Variants in CAMKMT observed in about 807,000 individuals in gnomAD.
The protein encoded by CAMKMT is calmodulin-lysine N-methyltransferase.
Under a neutral mutation model 48.0 loss-of-function variants are expected in CAMKMT, and 53 were observed. That is an observed-to-expected ratio of 1.10 (90% CI 0.89 to 1.39). The LOEUF is 1.39. Ranked by LOEUF, CAMKMT falls within the 40% of genes most tolerant of loss-of-function variation. The pLI, the probability that CAMKMT is intolerant of heterozygous loss-of-function variation, is 0.00. For missense variants in CAMKMT, 428 were observed against 402.7 expected (o/e 1.06, Z -0.54); for synonymous variants, 165 against 152.3 (o/e 1.08, Z -0.61).
chr2:44,570,459 T>C (rs765854895), intron 3 of CAMKMT, among the ~76,000 whole-genome samples: 29 of 152,306 alleles, frequency 1.9e-4, no homozygotes, highest in Non-Finnish European at 4.0e-4. Context: ...TTTCAAACAA[T>C]TACATTCCAG....
At chr2:44,522,895 T>G (rs1043665694) in intron 3 of CAMKMT, among the ~76,000 whole-genome samples, 3 of 152,202 alleles carry the variant, frequency 2.0e-5, no homozygotes, top group African/African-American at 4.8e-5. Context: ...CCTGCAGAAT[T>G]CCTTAGCTAG....
chr2:44,456,568 G>A (rs1436731993), intron 3 of CAMKMT: 10 of 1,549,442 alleles, frequency 6.5e-6, no homozygotes, highest in South Asian at 4.8e-5. Flanking sequence ...TCTCTTTTAG[G>A]GGAAGCAACC....
chr2:44,396,872 A>T (rs1681897503), intron 3 of CAMKMT, among the ~76,000 whole-genome samples: 1 of 152,012 alleles, frequency 6.6e-6, no homozygotes, highest in Non-Finnish European at 1.5e-5. Flanking sequence ...CATCCTGGCC[A>T]ACATGGTGAA....
Position 44,646,721 on chromosome 2 carries a change from T to C in CAMKMT, c.377-57562T>C, listed in dbSNP as rs545492700. Among the ~76,000 whole-genome samples, 13 of 152,298 alleles carry C rather than the reference T, an allele frequency of 8.5e-5. No individual in the cohort carries two copies. In the East Asian group the frequency reaches 2.5e-3, roughly 29 times the overall value. ...ACATTGATTATAATTTGGAAACACT[T>C]TATTCAAATTGCTTCAAAGAAAACC... On this transcript the variant is annotated intron_variant, in intron 3 of 10. Coordinates refer to ENST00000378494, the MANE Select transcript of CAMKMT (RefSeq NM_024766.5).
At chr2:44,581,027 C>A (rs960856011) in intron 3 of CAMKMT, among the ~76,000 whole-genome samples, 3 of 152,036 alleles carry the variant, frequency 2.0e-5, no homozygotes, top group Non-Finnish European at 4.4e-5. Flanking sequence ...TATGACAGAG[C>A]ACTCTGTATT....
chr2:44,667,821 T>C (rs939622983), intron 3 of CAMKMT, among the ~76,000 whole-genome samples: 7 of 152,138 alleles, frequency 4.6e-5, no homozygotes, highest in African/African-American at 1.4e-4. Flanking sequence ...GGACCTCCAC[T>C]CCAACACCGT....
chr2:44,692,656 T>C (rs1558799879), intron 3 of CAMKMT, among the ~76,000 whole-genome samples: 1 of 151,860 alleles, frequency 6.6e-6, no homozygotes, highest in African/African-American at 2.4e-5. Context: ...TTGCCCAAGA[T>C]CACAGAACCA....
chr2:44,485,482 G>A (rs1457238377), intron 3 of CAMKMT, among the ~76,000 whole-genome samples: 5 of 152,146 alleles, frequency 3.3e-5, no homozygotes, highest in Admixed American at 6.5e-5. Context: ...TAACAATGGC[G>A]ATACGTTCTG....
intron 3 of CAMKMT, among the ~76,000 whole-genome samples, chr2:44,659,185 C>G (rs1433175960): frequency 2.0e-5 from 3 of 149,572 alleles, no homozygotes; most frequent in Non-Finnish European, 3.0e-5. Flanking sequence ...AGTTTCAAGG[C>G]CAAGGCAGGA....
chr2:44,472,140 G>A (rs1226548452), intron 3 of CAMKMT, among the ~76,000 whole-genome samples: 2 of 152,074 alleles, frequency 1.3e-5, no homozygotes, highest in South Asian at 4.2e-4. Context: ...GTACAATCTC[G>A]GCTAACTGCA....
rs775756025 is a variant in CAMKMT, at chr2:44,715,332, A to C, written c.602A>C (p.Lys201Thr). The change falls in exon 7 of 11, where the codon AAG becomes ACG. Residue 201 changes from lysine (K) to threonine (T), a missense_variant. Coordinates refer to ENST00000378494, the MANE Select transcript of CAMKMT (RefSeq NM_024766.5). ...ITRNQKAGVF[K>T]TQKISSCVLR... Reference sequence around the variant, plus strand: ...AGGAATCAGAAGGCTGGTGTGTTTAAGACCCAGAAAATATCAAGCTGGTAA... The same window carrying C: ...AGGAATCAGAAGGCTGGTGTGTTTACGACCCAGAAAATATCAAGCTGGTAA... The C allele has an allele frequency of 2.4e-5, 38 of 1,613,242 alleles. No individual in the cohort carries two copies. The highest frequency in any genetic ancestry group is 3.1e-5 in the Non-Finnish European group (36 of 1,179,502).
At position 44,472,157 on chromosome 2, in the gene CAMKMT, G is replaced by C. The variant is rs776836101; in HGVS notation, c.376+81852G>C. Among the ~76,000 whole-genome samples the C allele has an allele frequency of 3.3e-5, 5 of 152,096 alleles. No homozygotes were observed. In the East Asian group the frequency reaches 9.7e-4, roughly 29 times the overall value. ...ACAATCTCGGCTAACTGCAAGCTCC[G>C]CTCCCTGGGTTCACGCCATTCTTCT... On this transcript the variant is annotated intron_variant, in intron 3 of 10. Transcript: ENST00000378494.
intron 3 of CAMKMT, among the ~76,000 whole-genome samples, chr2:44,559,226 G>C (rs1459073948): frequency 3.3e-5 from 5 of 152,108 alleles, no homozygotes; most frequent in African/African-American, 1.2e-4. Flanking sequence ...GATGGTGTTG[G>C]AAGGGACTGT....
At chr2:44,446,664 T>A (rs1345872517) in intron 3 of CAMKMT, among the ~76,000 whole-genome samples, 3 of 152,132 alleles carry the variant, frequency 2.0e-5, no homozygotes, top group African/African-American at 7.2e-5. Flanking sequence ...ATATTCTCAT[T>A]CACTTCAACA....
chr2:44,520,929 G>C (rs145287277), intron 3 of CAMKMT, among the ~76,000 whole-genome samples: 2 of 152,314 alleles, frequency 1.3e-5, no homozygotes, highest in East Asian at 1.9e-4. Context: ...TGTCATGACT[G>C]TAAGTTTCCT....
At position 44,390,272 on chromosome 2, in the gene CAMKMT, G is replaced by T. The variant is rs374314875; in HGVS notation, c.343G>T (p.Val115Phe). 6 of 1,609,964 alleles carry T rather than the reference G, an allele frequency of 3.7e-6. No individual in the cohort carries two copies. In the African/African-American group the frequency reaches 6.7e-5, roughly 18 times the overall value. ...TAGTGGATCCTTGAATGTTGAAGATGTCCTTACCAGCTTTGACAATACAGG... is the reference window on the plus strand; with the variant it reads ...TAGTGGATCCTTGAATGTTGAAGATTTCCTTACCAGCTTTGACAATACAGG... ...HNSGSLNVEDVLTSFDNTGNV... is the reference protein window; with the variant it reads ...HNSGSLNVEDFLTSFDNTGNV... The change falls in exon 3 of 11, where the codon GTC (valine) becomes TTC (phenylalanine). Residue 115 changes from valine (V) to phenylalanine (F), a missense_variant. Coordinates refer to ENST00000378494, the MANE Select transcript of CAMKMT (RefSeq NM_024766.5).
At chr2:44,659,246 C>A (rs1199012092) in intron 3 of CAMKMT, among the ~76,000 whole-genome samples, 2 of 151,422 alleles carry the variant, frequency 1.3e-5, no homozygotes, top group Non-Finnish European at 2.9e-5. Flanking sequence ...CATAGTGAGA[C>A]CTTATCTCTA....
At chr2:44,364,773 C>A (rs1336008887) in intron 1 of CAMKMT, among the ~76,000 whole-genome samples, 2 of 152,168 alleles carry the variant, frequency 1.3e-5, no homozygotes, top group Non-Finnish European at 2.9e-5. Flanking sequence ...CTGTAGTCAT[C>A]TGGGTATCTC....
chr2:44,721,121 T>A (rs1278303206), intron 7 of CAMKMT, among the ~76,000 whole-genome samples: 2 of 152,184 alleles, frequency 1.3e-5, no homozygotes, highest in African/African-American at 4.8e-5. Context: ...TTCTTTCTAA[T>A]TCTCATACCT....
Sources: gnomAD v4.1 joint callset for allele counts (sites outside exome capture counted in the v4.1 genomes callset) on GRCh38, gnomAD v4.1.1 for gene constraint, MANE v1.5 for transcripts, NCBI Gene and HGNC (gene_info 2026-07-23, HGNC 2026-07-21) for gene names.